LDLRAD4: variants seen among roughly 807,000 people sequenced by gnomAD.
The protein encoded by LDLRAD4 is low-density lipoprotein receptor class A domain-containing protein 4.
A neutral mutation model predicts 17.0 loss-of-function variants in LDLRAD4; 5 were observed. The observed-to-expected ratio is 0.29, with a 90% CI of 0.15 to 0.62. The LOEUF is 0.62. Among genes scored for constraint, LDLRAD4 ranks in the 20% least tolerant of loss-of-function variants. The probability of loss-of-function intolerance (pLI) is 0.84; values close to 1 mark genes in which losing one functional copy is unlikely to be tolerated. For missense variants in LDLRAD4, 340 were observed against 424.7 expected, an observed-to-expected ratio of 0.80 and a Z score of 1.75; for synonymous variants, 168 against 171.8, an observed-to-expected ratio of 0.98 and a Z score of 0.17.
intron 3 of LDLRAD4, among the ~76,000 whole-genome samples, chr18:13,618,018 C>T (rs77139022): frequency 0.033 from 4,983 of 152,266 alleles, 209 homozygotes; most frequent in African/African-American, 0.098. Context: ...GTGCCAGCCA[C>T]ACACTTGCAC....
At chr18:13,518,342 T>A (rs2093901696) in intron 3 of LDLRAD4, among the ~76,000 whole-genome samples, 1 of 152,192 alleles carries the variant, frequency 6.6e-6, no homozygotes, top group Non-Finnish European at 1.5e-5. Flanking sequence ...ATCCAGTAGG[T>A]TTGTGTTTCT....
chr18:13,225,032 C>T (rs567241555), intron 1 of LDLRAD4, among the ~76,000 whole-genome samples: 22 of 151,866 alleles, frequency 1.4e-4, no homozygotes, highest in Admixed American at 1.0e-3. Flanking sequence ...GACGGGGTTT[C>T]GTCATGTTGG....
chr18:13,390,149 C>G (rs1488548809), intron 2 of LDLRAD4, among the ~76,000 whole-genome samples: 6 of 152,238 alleles, frequency 3.9e-5, no homozygotes, highest in Admixed American at 3.3e-4. Flanking sequence ...TTTGGCTCCT[C>G]TCTTTCAGCT....
At chr18:13,564,495 T>A (rs557040149) in intron 3 of LDLRAD4, among the ~76,000 whole-genome samples, 1 of 150,786 alleles carries the variant, frequency 6.6e-6, no homozygotes, top group African/African-American at 2.4e-5. Context: ...CTTAGTGCTC[T>A]GAGAACCTTT....
At chr18:13,532,851 T>A (rs1227770354) in intron 3 of LDLRAD4, among the ~76,000 whole-genome samples, 1 of 152,212 alleles carries the variant, frequency 6.6e-6, no homozygotes, top group African/African-American at 2.4e-5. Flanking sequence ...GCCCTGCGCC[T>A]TCCGTCCTCC....
chr18:13,292,106 T>C (rs2045995555), intron 1 of LDLRAD4, among the ~76,000 whole-genome samples: 1 of 152,194 alleles, frequency 6.6e-6, no homozygotes, highest in South Asian at 2.1e-4. Context: ...GATTCAGAAG[T>C]TCCCTGGCCT....
At chr18:13,366,112 C>G (rs1015121466) in intron 1 of LDLRAD4, 19 of 150,332 alleles carry the variant, frequency 1.3e-4, no homozygotes, top group African/African-American at 4.2e-4. Flanking sequence ...CTCATTCTTT[C>G]GCCCAGGCTG....
At chr18:13,231,355 C>G (rs989263540) in intron 1 of LDLRAD4, among the ~76,000 whole-genome samples, 1 of 152,084 alleles carries the variant, frequency 6.6e-6, no homozygotes, top group Non-Finnish European at 1.5e-5. Context: ...GGGCACGGGG[C>G]GCTGCTCTTG....
At chr18:13,285,702 A>G (rs1313775927) in intron 1 of LDLRAD4, among the ~76,000 whole-genome samples, 1 of 152,000 alleles carries the variant, frequency 6.6e-6, no homozygotes, top group Non-Finnish European at 1.5e-5. Flanking sequence ...GGGGCTGTCC[A>G]CATTTTTCCA....
chr18:13,552,178 C>A (rs2094441081), intron 3 of LDLRAD4, among the ~76,000 whole-genome samples: 1 of 152,174 alleles, frequency 6.6e-6, no homozygotes, highest in South Asian at 2.1e-4. Flanking sequence ...ATGTGAGGCA[C>A]AGTGGGGTGC....
intron 1 of LDLRAD4, among the ~76,000 whole-genome samples, chr18:13,252,037 G>T (rs960964187): frequency 5.3e-5 from 8 of 152,240 alleles, no homozygotes; most frequent in African/African-American, 1.9e-4. Context: ...GTTTGGAGGG[G>T]ACTTGGGTCC....
At chr18:13,477,974 C>G (rs1037269374) in intron 3 of LDLRAD4, among the ~76,000 whole-genome samples, 1 of 152,208 alleles carries the variant, frequency 6.6e-6, no homozygotes, top group African/African-American at 2.4e-5. Context: ...AAGGCAGGTG[C>G]TTTTTACTCA....
At chr18:13,402,107 C>T (rs2087273840) in intron 2 of LDLRAD4, among the ~76,000 whole-genome samples, 1 of 152,228 alleles carries the variant, frequency 6.6e-6, no homozygotes, top group Non-Finnish European at 1.5e-5. Flanking sequence ...GATATTTCAG[C>T]ATTAAATACC....
intron 3 of LDLRAD4, among the ~76,000 whole-genome samples, chr18:13,459,084 C>G (rs535366326): frequency 7.0e-6 from 1 of 142,896 alleles, no homozygotes; most frequent in East Asian, 2.2e-4. Flanking sequence ...TTTTGGAAGG[C>G]CGAGGTGGGA....
At chr18:13,602,067 A>T (rs2095169592) in intron 3 of LDLRAD4, among the ~76,000 whole-genome samples, 1 of 152,254 alleles carries the variant, frequency 6.6e-6, no homozygotes, top group Admixed American at 6.5e-5. Flanking sequence ...CAGAAAAAGT[A>T]AATATAAGTA....
chr18:13,505,750 G>A (rs537436736), intron 3 of LDLRAD4, among the ~76,000 whole-genome samples: 11 of 152,114 alleles, frequency 7.2e-5, no homozygotes, highest in East Asian at 5.8e-4. Flanking sequence ...CCTGGGAGGC[G>A]GAGCTTGCAG....
At chr18:13,559,556 A>G (rs1601380991) in intron 3 of LDLRAD4, among the ~76,000 whole-genome samples, 2 of 152,210 alleles carry the variant, frequency 1.3e-5, no homozygotes, top group East Asian at 3.8e-4. Context: ...ACATATACAC[A>G]TGTACACATA....
chr18:13,310,183 C>A (rs1250310994), intron 1 of LDLRAD4, among the ~76,000 whole-genome samples: 16 of 139,202 alleles, frequency 1.1e-4, no homozygotes, highest in South Asian at 2.4e-4. Context: ...CTGTCTCTAC[C>A]AAAAAAAAAA....
chr18:13,448,072 G>T (rs1022659196), intron 3 of LDLRAD4, among the ~76,000 whole-genome samples: 11 of 152,186 alleles, frequency 7.2e-5, no homozygotes, highest in Non-Finnish European at 1.2e-4. Flanking sequence ...CAATTATTAG[G>T]CATTAGGGAG....
Sources: allele counts gnomAD v4.1 joint callset (sites outside exome capture counted in the v4.1 genomes callset), GRCh38; gene constraint gnomAD v4.1.1; transcripts MANE v1.5; gene names NCBI Gene and HGNC (gene_info 2026-07-23, HGNC 2026-07-21).